The following ATP6V0A4 variants were observed in gnomAD, a reference collection of about 807,000 sequenced individuals.
ATP6V0A4 encodes V-type proton ATPase 116 kDa subunit a 4.
A neutral mutation model predicts 107.3 loss-of-function variants in ATP6V0A4; 86 were observed. The ratio of observed to expected loss-of-function variants is 0.80; its 90% CI spans 0.67 to 0.96. The LOEUF is 0.96. Ranked by LOEUF, ATP6V0A4 falls within the 40% of genes least tolerant of loss-of-function variation. The pLI is 0.00. For missense variants in ATP6V0A4, 908 were observed against 1,045.6 expected (o/e 0.87, Z 1.81); for synonymous variants, 353 against 381.4 (o/e 0.93, Z 0.87).
intron 15 of ATP6V0A4, among the ~76,000 whole-genome samples, chr7:138,737,961 C>T (rs1033476262): frequency 6.6e-6 from 1 of 151,862 alleles, no homozygotes; most frequent in African/African-American, 2.4e-5. Context: ...AAGGTTTCAC[C>T]ATGTTGGCCA....
chr7:138,709,963 C>T, intron 20 of ATP6V0A4, 168 bp from the exon 21 acceptor site: 1 of 355,272 alleles, frequency 2.8e-6, no homozygotes, highest in Non-Finnish European at 3.9e-6. Context: ...ATCCTCCTGT[C>T]TCAGCCTCCC....
chr7:138,715,636 AAG>A, intron 20 of ATP6V0A4, 126 bp downstream of exon 20: 1 of 1,349,996 alleles, frequency 7.4e-7, no homozygotes, highest in Non-Finnish European at 1.0e-6. Flanking sequence ...CCTGGGAAAG[AAG>A]AGTCATTCTT....
intron 18 of ATP6V0A4, among the ~76,000 whole-genome samples, chr7:138,722,339 TAAATA>T (rs1312325115): frequency 6.9e-6 from 1 of 145,576 alleles, no homozygotes; most frequent in East Asian, 2.1e-4. Flanking sequence ...AAAAAATAAA[TAAATA>T]AAATAAAATA....
chr7:138,752,865 C>A, intron 10 of ATP6V0A4, 28 bp from the exon 11 acceptor site: 1 of 1,611,866 alleles, frequency 6.2e-7, no homozygotes, highest in Non-Finnish European at 8.5e-7. Flanking sequence ...CACAGGAAAA[C>A]AGAGAACCTT....
At chr7:138,718,227 T>G (rs1483787936) in intron 19 of ATP6V0A4, among the ~76,000 whole-genome samples, 1 of 33,538 alleles carries the variant, frequency 3.0e-5, no homozygotes, top group African/African-American at 1.5e-4. Flanking sequence ...TGTGTGTGTG[T>G]GTGCGCGCAG....
At position 138,715,888 on chromosome 7, in the gene ATP6V0A4, G is replaced by C; in HGVS notation, c.2140-7C>G. 6.2e-7 allele frequency: 1 copy of C among 1,612,390 alleles called. No individual in the cohort carries two copies. Among genetic ancestry groups the C allele is most frequent in the Non-Finnish European group, 8.5e-7 (1 of 1,178,774 alleles). On this transcript the variant is annotated splice_region_variant and splice_polypyrimidine_tract_variant and intron_variant, in intron 19 of 21. Coordinates refer to ENST00000310018, the MANE Select transcript of ATP6V0A4 (RefSeq NM_020632.3). ...AGACGTCTCCAAAGTTGAACTGAAAGACGGAATTGTTTATTTTACTTCATT... is the reference window on the plus strand; with the variant it reads ...AGACGTCTCCAAAGTTGAACTGAAACACGGAATTGTTTATTTTACTTCATT...
At chr7:138,760,448 A>AG in intron 7 of ATP6V0A4, among the ~76,000 whole-genome samples, 1 of 141,764 alleles carries the variant, frequency 7.1e-6, no homozygotes, top group Non-Finnish European at 1.5e-5. Context: ...CTGTCTCAAA[A>AG]AAAAAAAAAA....
intron 8 of ATP6V0A4, among the ~76,000 whole-genome samples, chr7:138,758,900 G>A (rs376517184): frequency 3.8e-4 from 58 of 150,926 alleles, no homozygotes; most frequent in African/African-American, 1.2e-3. Context: ...ACAGGTGTGC[G>A]CCACCACTCC....
intron 13 of ATP6V0A4, among the ~76,000 whole-genome samples, chr7:138,746,103 A>G (rs970494610): frequency 6.7e-6 from 1 of 148,768 alleles, no homozygotes; most frequent in Non-Finnish European, 1.5e-5. Context: ...AATAAACTGA[A>G]GTGCAAGCAA....
chr7:138,766,565 A>G (rs958219172), intron 5 of ATP6V0A4, among the ~76,000 whole-genome samples: 2 of 152,148 alleles, frequency 1.3e-5, no homozygotes, highest in African/African-American at 2.4e-5. Context: ...AAAGAGATAA[A>G]AGATAAACGA....
chr7:138,723,519 T>C (rs2117216259), intron 18 of ATP6V0A4, among the ~76,000 whole-genome samples: 1 of 86,898 alleles, frequency 1.2e-5, no homozygotes, highest in African/African-American at 4.0e-5. Flanking sequence ...CCCTTCTTTC[T>C]TTTCTTTTTT....
At chr7:138,726,553 G>C (rs1375228959) in intron 18 of ATP6V0A4, among the ~76,000 whole-genome samples, 1 of 152,228 alleles carries the variant, frequency 6.6e-6, no homozygotes, top group Non-Finnish European at 1.5e-5. Flanking sequence ...GAGGCTAATA[G>C]ACAGGACCCC....
At chr7:138,756,953 GGT>G (rs1806543380) in intron 8 of ATP6V0A4, among the ~76,000 whole-genome samples, 1 of 152,178 alleles carries the variant, frequency 6.6e-6, no homozygotes, top group Non-Finnish European at 1.5e-5. Context: ...GGGATGAGTA[GGT>G]GTTTTATATT....
intron 2 of ATP6V0A4, among the ~76,000 whole-genome samples, chr7:138,779,284 G>A (rs1218136185): frequency 4.6e-5 from 7 of 151,806 alleles, no homozygotes; most frequent in African/African-American, 1.7e-4. Context: ...GGAGGTCGAG[G>A]CTGCAGTGAG....
chr7:138,759,700 C>T (rs1395069290), intron 8 of ATP6V0A4, 52 bp downstream of exon 8: 1 of 1,597,072 alleles, frequency 6.3e-7, no homozygotes, highest in East Asian at 2.2e-5. Context: ...AGCGCTTCTG[C>T]TGAGGGCTAT....
chr7:138,794,475 C>T (rs1319505076), intron 1 of ATP6V0A4, among the ~76,000 whole-genome samples: 1 of 152,174 alleles, frequency 6.6e-6, no homozygotes, highest in Non-Finnish European at 1.5e-5. Flanking sequence ...TCTCTGCCTA[C>T]TTCTTTTCTT....
intron 14 of ATP6V0A4, among the ~76,000 whole-genome samples, chr7:138,744,404 ATT>A (rs1204690227): frequency 6.6e-6 from 1 of 151,502 alleles, no homozygotes; most frequent in Non-Finnish European, 1.5e-5. Context: ...TGCCCAGCTA[ATT>A]TTTGTATTTT....
At chr7:138,728,196 A>C (rs1162740790) in intron 18 of ATP6V0A4, among the ~76,000 whole-genome samples, 2 of 152,046 alleles carry the variant, frequency 1.3e-5, no homozygotes, top group Non-Finnish European at 2.9e-5. Flanking sequence ...ATACACCCTG[A>C]ACAAAGTCTG....
chr7:138,772,551 A>G (rs570589213), intron 2 of ATP6V0A4, among the ~76,000 whole-genome samples: 1 of 152,318 alleles, frequency 6.6e-6, no homozygotes, highest in East Asian at 1.9e-4. Context: ...GACACTGCTG[A>G]TTAAAGAAAG....
Sources: allele counts gnomAD v4.1 joint callset (sites outside exome capture counted in the v4.1 genomes callset), GRCh38; gene constraint gnomAD v4.1.1; transcripts MANE v1.5; gene names NCBI Gene and HGNC (gene_info 2026-07-23, HGNC 2026-07-21).